CUX1: variants seen among roughly 807,000 people sequenced by gnomAD.
CUX1 encodes the protein cut like homeobox 1.
CUX1 carries 31 observed loss-of-function variants against 158.8 expected under a neutral mutation model. That is an observed-to-expected ratio of 0.20 (90% confidence interval 0.15 to 0.26). The LOEUF is 0.26. Ranked by LOEUF, CUX1 falls within the 10% of genes least tolerant of loss-of-function variation. The pLI, the probability that CUX1 is intolerant of heterozygous loss-of-function variation, is 1.00. For synonymous variants in CUX1, 879 were observed against 862.1 expected, an observed-to-expected ratio of 1.02 and a Z score of -0.34; for missense variants, 1,589 against 2,014.6, an observed-to-expected ratio of 0.79 and a Z score of 4.04.
chr7:102,054,631 A>G (rs1238235528), intron 3 of CUX1, among the ~76,000 whole-genome samples: 1 of 152,064 alleles, frequency 6.6e-6, no homozygotes, highest in Non-Finnish European at 1.5e-5. Context: ...GGGTCATTGC[A>G]TTTTCATATG....
At chr7:102,078,345 AGATTACAGGCGT>A (rs1362104195) in intron 4 of CUX1, among the ~76,000 whole-genome samples, 1 of 152,108 alleles carries the variant, frequency 6.6e-6, no homozygotes, top group Admixed American at 6.5e-5. Context: ...CAAAGTGCTG[AGATTACAGGCGT>A]GAGCCACCAC....
chr7:101,980,091 A>G (rs1464522189), intron 2 of CUX1, among the ~76,000 whole-genome samples: 2 of 152,256 alleles, frequency 1.3e-5, no homozygotes, highest in African/African-American at 4.8e-5. Flanking sequence ...GCTCCCAGCC[A>G]GCACCGGGCT....
At position 102,037,185 on chromosome 7, in the gene CUX1, A is replaced by C. The variant is rs1032227121; in HGVS notation, c.189+9040A>C. Reference sequence around the variant, plus strand: ...ACTACAGCCTGGCTGACAGAGCAAGATCCTGTCTCAAACAGACAGGCAAAC... The same window carrying C: ...ACTACAGCCTGGCTGACAGAGCAAGCTCCTGTCTCAAACAGACAGGCAAAC... On this transcript the variant is annotated intron_variant, in intron 3 of 23. Transcript: ENST00000292535. Among the ~76,000 whole-genome samples, 4 of 130,274 alleles carry C rather than the reference A, an allele frequency of 3.1e-5. No homozygotes were observed. The South Asian group carries it at 6.9e-4, about 23-fold the overall frequency. 85.5% of individuals were successfully genotyped at this position (130,274 alleles called of 152,430 possible).
chr7:101,947,793 T>G (rs1325695884), intron 2 of CUX1, among the ~76,000 whole-genome samples: 1 of 152,180 alleles, frequency 6.6e-6, no homozygotes, highest in Non-Finnish European at 1.5e-5. Context: ...AAAAATGACT[T>G]ACTTAGCCAT....
chr7:101,817,230 G>A (rs1051427296), upstream of CUX1: 2 of 984,588 alleles, frequency 2.0e-6, no homozygotes, highest in African/African-American at 3.5e-5. The surrounding 1 kb of genome is among the most constrained non-coding windows in gnomAD (Gnocchi z 4.1). Flanking sequence ...CCGCCGGTCC[G>A]AGCCGCGATC....
Position 102,067,845 on chromosome 7 carries a change from C to T in CUX1, c.190-2494C>T, listed in dbSNP as rs537513540. On this transcript the variant is annotated intron_variant, in intron 3 of 23. Transcript: ENST00000292535. ...CAGCCTGGCCAACATGACGAAACCC[C>T]GTCTCCACTAAAAATACAAAAAAAA... Among the ~76,000 whole-genome samples, 96 of 106,860 alleles carry T rather than the reference C, an allele frequency of 9.0e-4. 1 individual carries two copies. The highest frequency in any genetic ancestry group is 3.5e-3 in the African/African-American group (87 of 25,144). 70.1% of individuals were successfully genotyped at this position (106,860 alleles called of 152,430 possible). A position where few individuals can be genotyped will look rare whatever the true frequency, so the allele number is the denominator to read the frequency against.
chr7:101,904,660 C>T (rs890237062), intron 1 of CUX1, among the ~76,000 whole-genome samples: 44 of 151,746 alleles, frequency 2.9e-4, no homozygotes, highest in African/African-American at 1.0e-3. Flanking sequence ...CCTCTGCCTC[C>T]CGGGTTCAAG....
At chr7:102,149,367 C>T (rs1353163552) in intron 8 of CUX1, among the ~76,000 whole-genome samples, 1 of 152,180 alleles carries the variant, frequency 6.6e-6, no homozygotes, top group Admixed American at 6.5e-5. Flanking sequence ...TTTCCTTCCG[C>T]CTCCCACTGG....
chr7:102,067,127 G>T (rs1825631670), intron 3 of CUX1, among the ~76,000 whole-genome samples: 1 of 151,800 alleles, frequency 6.6e-6, no homozygotes, highest in South Asian at 2.1e-4. Context: ...CCTTCAGTTG[G>T]CATCCACCAG....
At chr7:101,819,755 A>G (rs561527805) in intron 1 of CUX1, among the ~76,000 whole-genome samples, 1 of 152,048 alleles carries the variant, frequency 6.6e-6, no homozygotes, top group South Asian at 2.1e-4. Context: ...GTTTTTTCCT[A>G]TGTGAAACTC....
intron 4 of CUX1, among the ~76,000 whole-genome samples, chr7:102,071,571 G>A (rs1008724968): frequency 6.6e-6 from 1 of 152,124 alleles, no homozygotes; most frequent in African/African-American, 2.4e-5. Flanking sequence ...ACCCATTACA[G>A]TTGTGCCCTT....
chr7:101,946,388 A>T (rs1482843142), intron 2 of CUX1, among the ~76,000 whole-genome samples: 1 of 152,120 alleles, frequency 6.6e-6, no homozygotes, highest in Non-Finnish European at 1.5e-5. Flanking sequence ...TACTAAAAAT[A>T]CAAAAATTAG....
At chr7:101,874,161 T>A (rs1210982563) in intron 1 of CUX1, among the ~76,000 whole-genome samples, 1 of 152,234 alleles carries the variant, frequency 6.6e-6, no homozygotes, top group East Asian at 1.9e-4. Context: ...TCTGGCTTAA[T>A]TGAATTCGGA....
chr7:102,130,868 G>T (rs546071540), intron 8 of CUX1, among the ~76,000 whole-genome samples: 7 of 152,132 alleles, frequency 4.6e-5, no homozygotes, highest in African/African-American at 1.7e-4. Context: ...ATCTCTGCAG[G>T]CTGGGAGTGG....
At chr7:102,060,998 C>T (rs1048287495) in intron 3 of CUX1, among the ~76,000 whole-genome samples, 1 of 146,600 alleles carries the variant, frequency 6.8e-6, no homozygotes, top group African/African-American at 2.6e-5. Context: ...GATCTCAGCT[C>T]ACTGCAACCT....
intron 2 of CUX1, among the ~76,000 whole-genome samples, chr7:101,927,147 A>AACACACAC (rs10584842): frequency 6.7e-6 from 1 of 149,488 alleles, no homozygotes; most frequent in East Asian, 2.0e-4. Flanking sequence ...CTGTCAACAC[A>AACACACAC]ACACACACAC....
At chr7:102,043,861 G>A (rs754146257) in intron 3 of CUX1, among the ~76,000 whole-genome samples, 3 of 152,184 alleles carry the variant, frequency 2.0e-5, no homozygotes, top group East Asian at 1.9e-4. Flanking sequence ...ACTAGCACTC[G>A]TGTGTCTTTT....
At chr7:102,199,958 C>A in intron 16 of CUX1, 113 bp from the exon 17 acceptor site, 2 of 793,168 alleles carry the variant, frequency 2.5e-6, no homozygotes, top group African/African-American at 1.8e-5. Context: ...ACATCTGCCT[C>A]CTTGTGTCAC....
intron 4 of CUX1, among the ~76,000 whole-genome samples, chr7:102,077,482 G>T (rs1826891782): frequency 6.8e-6 from 1 of 146,702 alleles, no homozygotes; most frequent in African/African-American, 2.5e-5. Flanking sequence ...TTGAGGCCAG[G>T]AGTTCGAGAC....
Sources: allele counts gnomAD v4.1 joint callset (sites outside exome capture counted in the v4.1 genomes callset), GRCh38; gene constraint gnomAD v4.1.1; non-coding constraint Gnocchi (gnomAD v3.1); transcripts MANE v1.5; gene names NCBI Gene and HGNC (gene_info 2026-07-23, HGNC 2026-07-21).